CSMD1: variants seen among roughly 807,000 people sequenced by gnomAD.
CSMD1 encodes the protein CUB and Sushi multiple domains 1.
Under a neutral mutation model 417.5 loss-of-function variants are expected in CSMD1, and 213 were observed. That is an observed-to-expected ratio of 0.51 (90% CI 0.46 to 0.57). CSMD1 has a LOEUF of 0.57. Among genes scored for constraint, CSMD1 ranks in the 20% least tolerant of loss-of-function variants. CSMD1 has a pLI of 0.00. For synonymous variants in CSMD1, 2,862 were observed against 1,736.8 expected, an observed-to-expected ratio of 1.65 and a Z score of -16.11; for missense variants, 6,923 against 4,529.7, an observed-to-expected ratio of 1.53 and a Z score of -15.17.
At chr8:4,140,467 C>T (rs1158462017) in intron 3 of CSMD1, among the ~76,000 whole-genome samples, 1 of 150,238 alleles carries the variant, frequency 6.7e-6, no homozygotes, top group Non-Finnish European at 1.5e-5. Flanking sequence ...ATTTGCACTC[C>T]AGTATAAGCA....
chr8:4,121,833 G>A (rs899172836), intron 3 of CSMD1, among the ~76,000 whole-genome samples: 1 of 151,448 alleles, frequency 6.6e-6, no homozygotes, highest in Admixed American at 6.6e-5. Context: ...CTTTGGGGGG[G>A]ACAAAAAAAG....
At chr8:3,689,164 T>A (rs1800102884) in intron 7 of CSMD1, among the ~76,000 whole-genome samples, 1 of 152,146 alleles carries the variant, frequency 6.6e-6, no homozygotes, top group Non-Finnish European at 1.5e-5. Flanking sequence ...CGCTCTAAGG[T>A]TGGGAACATG....
chr8:3,920,915 A>T (rs1809205292), intron 5 of CSMD1, among the ~76,000 whole-genome samples: 1 of 152,142 alleles, frequency 6.6e-6, no homozygotes, highest in Admixed American at 6.6e-5. Context: ...TTGATTACAG[A>T]CATTGGCCTG....
chr8:3,672,351 T>C (rs935986307), intron 7 of CSMD1, among the ~76,000 whole-genome samples: 4 of 121,212 alleles, frequency 3.3e-5, no homozygotes, highest in Non-Finnish European at 5.2e-5. Context: ...TTTTCAGTTG[T>C]AGTGTGTGTC....
chr8:3,022,686 A>C (rs1211254802), intron 51 of CSMD1, among the ~76,000 whole-genome samples: 1 of 152,150 alleles, frequency 6.6e-6, no homozygotes, highest in East Asian at 1.9e-4. Flanking sequence ...AGCTAAAAAA[A>C]AAAAAAAAAG....
chr8:4,696,231 G>C (rs1807121722), intron 1 of CSMD1, among the ~76,000 whole-genome samples: 1 of 152,236 alleles, frequency 6.6e-6, no homozygotes, highest in South Asian at 2.1e-4. Context: ...GGACATGACA[G>C]ATATGATAGA....
At chr8:4,458,847 G>A (rs914765381) in intron 2 of CSMD1, among the ~76,000 whole-genome samples, 4 of 152,118 alleles carry the variant, frequency 2.6e-5, no homozygotes, top group Admixed American at 6.5e-5. Context: ...CAGAACTGAG[G>A]CAAGCGTAGC....
At chr8:3,812,870 A>G (rs189209253) in intron 5 of CSMD1, among the ~76,000 whole-genome samples, 33 of 152,282 alleles carry the variant, frequency 2.2e-4, no homozygotes, top group Admixed American at 5.2e-4. Flanking sequence ...GCCAACGAGG[A>G]CCAGTTTAAT....
intron 5 of CSMD1, among the ~76,000 whole-genome samples, chr8:3,893,799 G>C (rs994683379): frequency 2.6e-5 from 4 of 152,038 alleles, no homozygotes; most frequent in Non-Finnish European, 4.4e-5. Flanking sequence ...CCCCTATAGA[G>C]AGCATGCACA....
At chr8:4,767,241 T>C (rs960918987) in intron 1 of CSMD1, among the ~76,000 whole-genome samples, 3 of 152,202 alleles carry the variant, frequency 2.0e-5, no homozygotes, top group Non-Finnish European at 4.4e-5. Flanking sequence ...CCCAAATGGA[T>C]GCAAGGTGAA....
chr8:3,543,698 TAG>T (rs746492600), intron 10 of CSMD1, among the ~76,000 whole-genome samples: 1 of 152,096 alleles, frequency 6.6e-6, no homozygotes, highest in Non-Finnish European at 1.5e-5. Context: ...ACAGGTTTTG[TAG>T]AGGAGACCCA....
chr8:4,376,323 G>T (rs931917432), intron 3 of CSMD1, among the ~76,000 whole-genome samples: 1 of 152,160 alleles, frequency 6.6e-6, no homozygotes, highest in Non-Finnish European at 1.5e-5. Flanking sequence ...ACATTTTCAA[G>T]AAGAGAATAA....
chr8:4,816,524 A>G (rs1485132831), intron 1 of CSMD1, among the ~76,000 whole-genome samples: 1 of 152,098 alleles, frequency 6.6e-6, no homozygotes, highest in Non-Finnish European at 1.5e-5. Context: ...CACCATGCGC[A>G]GCCAAATCAC....
At chr8:3,188,076 ACATAT>A in intron 35 of CSMD1, 111 bp from the exon 36 acceptor site, 1 of 398,474 alleles carries the variant, frequency 2.5e-6, no homozygotes, top group African/African-American at 2.3e-5. Context: ...ATATATATAT[ACATAT>A]GTATATGTAT....
At chr8:3,619,713 G>C (rs1802326931) in intron 7 of CSMD1, among the ~76,000 whole-genome samples, 1 of 151,338 alleles carries the variant, frequency 6.6e-6, no homozygotes, top group Non-Finnish European at 1.5e-5. Context: ...AGAAAAGCAA[G>C]TCCTCATAAA....
At chr8:4,403,598 C>T (rs1447537122) in intron 3 of CSMD1, among the ~76,000 whole-genome samples, 1 of 152,148 alleles carries the variant, frequency 6.6e-6, no homozygotes, top group East Asian at 1.9e-4. Flanking sequence ...AGTACACACT[C>T]CTAAGAACTC....
At chr8:4,518,609 A>C (rs927709359) in intron 2 of CSMD1, among the ~76,000 whole-genome samples, 13 of 127,484 alleles carry the variant, frequency 1.0e-4, no homozygotes, top group Non-Finnish European at 1.5e-4. Context: ...CACACCGGGG[A>C]CTGCTGTGGG....
chr8:4,895,355 G>C (rs6558934), intron 1 of CSMD1, among the ~76,000 whole-genome samples: 2 of 152,112 alleles, frequency 1.3e-5, no homozygotes, highest in African/African-American at 4.8e-5. Flanking sequence ...TAATGTAAGT[G>C]TAACAGCATG....
intron 2 of CSMD1, among the ~76,000 whole-genome samples, chr8:4,562,720 A>G (rs1031391401): frequency 4.6e-5 from 7 of 152,124 alleles, no homozygotes; most frequent in African/African-American, 1.7e-4. Flanking sequence ...CAGAAATCCT[A>G]CACTGACCTT....
Sources: gnomAD v4.1 joint callset for allele counts (sites outside exome capture counted in the v4.1 genomes callset) on GRCh38, gnomAD v4.1.1 for gene constraint, MANE v1.5 for transcripts, NCBI Gene and HGNC (gene_info 2026-07-23, HGNC 2026-07-21) for gene names.